Variants in RHOQ observed in about 807,000 individuals in gnomAD.
The protein encoded by RHOQ is ras homolog family member Q.
RHOQ carries 7 observed loss-of-function variants against 25.8 expected under a neutral mutation model. The observed-to-expected ratio is 0.27, with a 90% CI of 0.15 to 0.51. RHOQ has a LOEUF of 0.51. RHOQ is among the 20% of genes least tolerant of loss of function. The pLI is 0.97. For synonymous variants in RHOQ, 97 were observed against 98.6 expected, an observed-to-expected ratio of 0.98 and a Z score of 0.10; for missense variants, 165 against 260.6, an observed-to-expected ratio of 0.63 and a Z score of 2.53.
chr2:46,576,003 T>C lies in RHOQ; in HGVS notation c.202-84T>C, dbSNP rs1424939702. 4.7e-5 allele frequency: 57 copies of C among 1,202,518 alleles called. No homozygotes were observed. The highest frequency in any genetic ancestry group is 6.4e-5 in the Non-Finnish European group (57 of 885,846). The allele number at this position is 1,202,518 out of a possible 1,614,324, so 74.5% of individuals were successfully genotyped here. ...CTAGTGGAGTACTCCTGAATTTGCA[T>C]CTTTGACCATGTAATCTAATGTACA... On this transcript the variant is annotated intron_variant, in intron 2 of 4. Transcript: ENST00000238738. This position sits in a 1 kb window ranked among gnomAD's most constrained non-coding sequence, Gnocchi z 5.1.
chr2:46,569,820 A>G lies in RHOQ; in HGVS notation c.202-6267A>G, dbSNP rs1397295400. On this transcript the variant is annotated intron_variant, in intron 2 of 4. Coordinates refer to ENST00000238738, the MANE Select transcript of RHOQ (RefSeq NM_012249.4). This position sits in a 1 kb window ranked among gnomAD's most constrained non-coding sequence, Gnocchi z 4.1. The stretch of plus-strand genomic sequence containing the variant: ...CCATTTCACAACTGAACTGAAAATT[A>G]AAAAAGAAAAGAAAACACCAGATGT... 1.3e-5 allele frequency among the ~76,000 whole-genome samples: 2 copies of G among 152,220 alleles called. No individual in the cohort carries two copies. The highest frequency in any genetic ancestry group is 4.8e-5 in the African/African-American group (2 of 41,460).
At chr2:46,564,666 A>G (rs529622602) in intron 2 of RHOQ, among the ~76,000 whole-genome samples, 1 of 152,338 alleles carries the variant, frequency 6.6e-6, no homozygotes, top group Admixed American at 6.5e-5. Context: ...TGCAGCCTTC[A>G]TCTGAGTGTA....
chr2:46,543,806 C>G lies in RHOQ; in HGVS notation c.195C>G (p.Ala65=). The G allele has an allele frequency of 3.7e-6, 6 of 1,613,484 alleles. No individual in the cohort carries two copies. Among genetic ancestry groups the G allele is most frequent in the Non-Finnish European group, 5.1e-6 (6 of 1,179,706 alleles). The change falls in exon 2 of 5, where the codon GCC becomes GCG. Residue 65 remains alanine (A), a synonymous_variant. Transcript: ENST00000238738. ...ACCTCCTAGGACTCTATGACACGGC[C>G]GGACAGGTGAGTGTCTTGGCCTCTG... The part of the protein sequence containing the change: ...KQYLLGLYDT[A]GQEDYDRLRP...
Position 46,561,758 on chromosome 2 carries a change from A to G in RHOQ, c.202-14329A>G, listed in dbSNP as rs543351258. Among the ~76,000 whole-genome samples the G allele has an allele frequency of 4.6e-5, 7 of 152,196 alleles. No individual in the cohort carries two copies. The East Asian group carries it at 9.7e-4, about 21-fold the overall frequency. On this transcript the variant is annotated intron_variant, in intron 2 of 4. Transcript: ENST00000238738. ...AGGCTTCCTTGGACCCGTTTATCCCATTTAGCCCTAACAATGACATTAAGA... is the reference window on the plus strand; with the variant it reads ...AGGCTTCCTTGGACCCGTTTATCCCGTTTAGCCCTAACAATGACATTAAGA...
chr2:46,546,022 A>G (rs1294750751), intron 2 of RHOQ, among the ~76,000 whole-genome samples: 1 of 152,158 alleles, frequency 6.6e-6, no homozygotes, highest in African/African-American at 2.4e-5. Context: ...GTTAGGCCCC[A>G]TTGGTGTTTT....
intron 2 of RHOQ, among the ~76,000 whole-genome samples, chr2:46,554,878 C>T (rs1668364829): frequency 6.6e-6 from 1 of 150,656 alleles, no homozygotes; most frequent in African/African-American, 2.4e-5. Flanking sequence ...TGAGTTGGCT[C>T]AAAGTGTGCC....
In RHOQ at chr2:46,575,886, A is replaced by AT. The variant is rs199698989; in HGVS notation, c.202-192dup. On this transcript the variant is annotated intron_variant, in intron 2 of 4. Transcript: ENST00000238738. ...CATTGTCATTGTTAATGATATTGTC[A>AT]TTTTTTTTTACCTCATGGGTGTTCA... Among the ~76,000 whole-genome samples, 120 of 151,314 alleles carry AT rather than the reference A, an allele frequency of 7.9e-4. No homozygotes were observed. The East Asian group carries it at 0.012, about 15-fold the overall frequency.
chr2:46,543,999 G>T (rs1667953744), intron 2 of RHOQ, among the ~76,000 whole-genome samples, 187 bp downstream of exon 2: 1 of 152,150 alleles, frequency 6.6e-6, no homozygotes, highest in African/African-American at 2.4e-5. Flanking sequence ...AACAGAGCCG[G>T]ATAAGCCCCC....
intron 2 of RHOQ, among the ~76,000 whole-genome samples, chr2:46,560,293 T>C (rs537721662): frequency 6.6e-6 from 1 of 152,256 alleles, no homozygotes; most frequent in Non-Finnish European, 1.5e-5. Flanking sequence ...TTTCTTTTCC[T>C]ATTTCTTTTG....
At chr2:46,544,797 G>A (rs1667994531) in intron 2 of RHOQ, among the ~76,000 whole-genome samples, 1 of 152,148 alleles carries the variant, frequency 6.6e-6, no homozygotes, top group Admixed American at 6.5e-5. Flanking sequence ...ATGTCTTTGG[G>A]GGAAGTCCAG....
intron 2 of RHOQ, among the ~76,000 whole-genome samples, chr2:46,571,079 T>C (rs974800175): frequency 1.3e-5 from 2 of 152,234 alleles, no homozygotes; most frequent in African/African-American, 2.4e-5. Flanking sequence ...TCCTAGCATG[T>C]TGGATACGTT....
chr2:46,565,246 G>A (rs1322922532), intron 2 of RHOQ, among the ~76,000 whole-genome samples: 1 of 152,206 alleles, frequency 6.6e-6, no homozygotes, highest in Non-Finnish European at 1.5e-5. Context: ...ATATAGCTAA[G>A]TATGGGGCCA....
At chr2:46,547,999 C>G (rs1466226204) in intron 2 of RHOQ, among the ~76,000 whole-genome samples, 1 of 152,142 alleles carries the variant, frequency 6.6e-6, no homozygotes, top group Non-Finnish European at 1.5e-5. Context: ...ATTCAGGTCC[C>G]AGAATATCCA....
At chr2:46,577,024 C>T (rs1669151186) in intron 4 of RHOQ, 1 of 167,496 alleles carries the variant, frequency 6.0e-6, no homozygotes, top group Non-Finnish European at 1.3e-5. Flanking sequence ...ACTTTCAACC[C>T]TTCTTCATTA....
In RHOQ at chr2:46,582,699, T is replaced by C. The variant is rs1353918703; in HGVS notation, c.*1616T>C. On this transcript the variant is annotated 3_prime_UTR_variant, in exon 5 of 5. Coordinates refer to ENST00000238738, the MANE Select transcript of RHOQ (RefSeq NM_012249.4). ...CTTATAGCTATGTCTACTGCACAGA[T>C]TGGGTAATGGAACACTAAACTTTTA... 6.6e-6 allele frequency: 1 copy of C among 152,642 alleles called. No homozygotes were observed. Among genetic ancestry groups the C allele is most frequent in the Non-Finnish European group, 1.5e-5 (1 of 68,026 alleles). The allele number at this position is 152,642 out of a possible 1,614,324, so 9.5% of individuals were successfully genotyped here.
chr2:46,575,944 T>G, intron 2 of RHOQ, 143 bp from the exon 3 acceptor site: 1 of 529,666 alleles, frequency 1.9e-6, no homozygotes, highest in Admixed American at 4.1e-5. Flanking sequence ...AAAAACAGAG[T>G]TATCTGATTT....
At position 46,548,647 on chromosome 2, in the gene RHOQ, G is replaced by C. The variant is rs1352536288; in HGVS notation, c.201+4835G>C. Reference sequence around the variant, plus strand: ...CCTTGTAGCCCCGTGTTCCATCCTTGCTCAGCCCGGTGAGCAGAGCCTGGG... The same window carrying C: ...CCTTGTAGCCCCGTGTTCCATCCTTCCTCAGCCCGGTGAGCAGAGCCTGGG... On this transcript the variant is annotated intron_variant, in intron 2 of 4. Transcript: ENST00000238738. The surrounding 1 kb of genome is among the most constrained non-coding windows in gnomAD (Gnocchi z 5.2). Among the ~76,000 whole-genome samples the C allele has an allele frequency of 6.6e-6, 1 of 152,132 alleles. No individual in the cohort carries two copies. The highest frequency in any genetic ancestry group is 1.9e-4 in the East Asian group (1 of 5,182).
Position 46,576,711 on chromosome 2 carries a change from A to G in RHOQ, c.462+55A>G, listed in dbSNP as rs1572757338. 7 of 1,185,552 alleles carry G rather than the reference A, an allele frequency of 5.9e-6. No homozygotes were observed. In the South Asian group the frequency reaches 6.6e-5, roughly 11 times the overall value. The allele number at this position is 1,185,552 out of a possible 1,614,324, so 73.4% of individuals were successfully genotyped here. A position where few individuals can be genotyped will look rare whatever the true frequency, so the allele number is the denominator to read the frequency against. ...GAATGTAAAAGATGCTAAGATAACA[A>G]TAGAAGCTAATTTTATTGTGTATTT... is the stretch of plus-strand genomic sequence containing the variant. On this transcript the variant is annotated intron_variant, in intron 4 of 4. Coordinates refer to ENST00000238738, the MANE Select transcript of RHOQ (RefSeq NM_012249.4). The surrounding 1 kb of genome is among the most constrained non-coding windows in gnomAD (Gnocchi z 5.1).
At chr2:46,561,314 G>A (rs1290034601) in intron 2 of RHOQ, among the ~76,000 whole-genome samples, 1 of 152,042 alleles carries the variant, frequency 6.6e-6, no homozygotes, top group Non-Finnish European at 1.5e-5. Context: ...TGTGTGTATG[G>A]TTTGGGGTGG....
Sources: gnomAD v4.1 joint callset for allele counts (sites outside exome capture counted in the v4.1 genomes callset) on GRCh38, gnomAD v4.1.1 for gene constraint, Gnocchi (gnomAD v3.1) non-coding constraint, MANE v1.5 for transcripts, NCBI Gene and HGNC (gene_info 2026-07-23, HGNC 2026-07-21) for gene names.